The following KLF12 variants were observed in gnomAD, a reference collection of about 807,000 sequenced individuals.
KLF12 encodes the protein Krueppel-like factor 12.
KLF12 carries 9 observed loss-of-function variants against 37.8 expected under a neutral mutation model. The observed-to-expected ratio is 0.24, with a 90% CI of 0.14 to 0.42. KLF12 has a LOEUF of 0.42. Among genes scored for constraint, KLF12 ranks in the 10% least tolerant of loss-of-function variants. The pLI is 1.00. For missense variants in KLF12, 411 were observed against 516.0 expected (o/e 0.80, Z 1.97); for synonymous variants, 208 against 202.1 (o/e 1.03, Z -0.25).
chr13:73,961,283 G>C (rs1452476283), intron 2 of KLF12, among the ~76,000 whole-genome samples: 1 of 151,854 alleles, frequency 6.6e-6, no homozygotes, highest in Non-Finnish European at 1.5e-5. Context: ...TATCCTCTGG[G>C]TATTTTCTTA....
chr13:74,227,226 G>T, the KLF12 span, among the ~76,000 whole-genome samples: 1 of 151,826 alleles, frequency 6.6e-6, no homozygotes, highest in Non-Finnish European at 1.5e-5. Context: ...GTCTATTCTT[G>T]TCACAATCCT....
At chr13:74,305,875 C>T in the KLF12 span, among the ~76,000 whole-genome samples, 1 of 151,982 alleles carries the variant, frequency 6.6e-6, no homozygotes, top group African/African-American at 2.4e-5. Context: ...TCTGATAACC[C>T]AGCCCACATT....
intron 1 of KLF12, among the ~76,000 whole-genome samples, chr13:74,132,553 A>G (rs1163123897): frequency 6.6e-6 from 1 of 152,246 alleles, no homozygotes; most frequent in East Asian, 1.9e-4. Flanking sequence ...AGCCATCTAT[A>G]CAGTTAAATT....
At chr13:73,986,020 TGTAA>T (rs1165723422) in intron 2 of KLF12, among the ~76,000 whole-genome samples, 1 of 152,160 alleles carries the variant, frequency 6.6e-6, no homozygotes, top group East Asian at 1.9e-4. Flanking sequence ...GTGTATGGGT[TGTAA>T]GTAAGTGCAT....
chr13:74,122,259 G>C (rs1593917792), intron 1 of KLF12, among the ~76,000 whole-genome samples: 1 of 152,076 alleles, frequency 6.6e-6, no homozygotes, highest in Middle Eastern at 3.4e-3. Context: ...TTTTTTAAAT[G>C]GGCAAAGAAT....
At chr13:73,817,324 A>AAAAAAAAAAAAAAAAAAAAG (rs1184659945) in intron 4 of KLF12, among the ~76,000 whole-genome samples, 1 of 97,774 alleles carries the variant, frequency 1.0e-5, no homozygotes, top group African/African-American at 3.1e-5. Context: ...GTTTCAAAAA[A>AAAAAAAAAAAAAAAAAAAAG]AAAAGAAAAG....
chr13:74,015,479 T>C (rs529682588), intron 1 of KLF12, among the ~76,000 whole-genome samples: 40 of 152,232 alleles, frequency 2.6e-4, no homozygotes, highest in Non-Finnish European at 4.3e-4. Flanking sequence ...ATTGTTATCA[T>C]TGTTATTATT....
chr13:74,167,606 T>C, the KLF12 span, among the ~76,000 whole-genome samples: 1 of 152,244 alleles, frequency 6.6e-6, no homozygotes, highest in Non-Finnish European at 1.5e-5. Context: ...AATTTGGTAC[T>C]GAAATGAATC....
chr13:74,189,380 G>A, the KLF12 span, among the ~76,000 whole-genome samples: 20 of 152,126 alleles, frequency 1.3e-4, 1 homozygote, highest in Non-Finnish European at 5.9e-5. Flanking sequence ...TCTGGTACAC[G>A]TTCTTCCTCA....
At chr13:73,828,054 C>G (rs1333245540) in intron 4 of KLF12, among the ~76,000 whole-genome samples, 1 of 152,026 alleles carries the variant, frequency 6.6e-6, no homozygotes, top group Non-Finnish European at 1.5e-5. Flanking sequence ...AGCTCTCAGT[C>G]AATGTATGTC....
chr13:74,289,796 A>G, the KLF12 span, among the ~76,000 whole-genome samples: 2 of 152,194 alleles, frequency 1.3e-5, no homozygotes, highest in Non-Finnish European at 2.9e-5. Flanking sequence ...CAAAGACCCA[A>G]AGCATTTTAT....
chr13:74,055,412 T>C (rs1046354478), intron 1 of KLF12, among the ~76,000 whole-genome samples: 4 of 152,170 alleles, frequency 2.6e-5, no homozygotes, highest in Admixed American at 2.6e-4. Context: ...TGCCATCAGA[T>C]TATCTGAGGA....
At chr13:73,728,966 C>A (rs138633131) in intron 6 of KLF12, among the ~76,000 whole-genome samples, 3 of 152,296 alleles carry the variant, frequency 2.0e-5, no homozygotes, top group African/African-American at 7.2e-5. Context: ...GGCTTCATGG[C>A]ACCATGTTTA....
intron 2 of KLF12, among the ~76,000 whole-genome samples, chr13:73,953,886 A>G (rs903968223): frequency 1.3e-5 from 2 of 152,146 alleles, no homozygotes; most frequent in African/African-American, 4.8e-5. Flanking sequence ...AAGAGCAAGC[A>G]ACCTTAATTT....
chr13:73,816,382 C>G (rs61259992), intron 4 of KLF12, among the ~76,000 whole-genome samples: 5 of 152,142 alleles, frequency 3.3e-5, no homozygotes, highest in African/African-American at 9.7e-5. Context: ...AAAATTTACA[C>G]TTAAGATTTT....
chr13:73,867,371 A>C (rs1478422814), intron 3 of KLF12, among the ~76,000 whole-genome samples: 1 of 151,802 alleles, frequency 6.6e-6, no homozygotes, highest in Middle Eastern at 3.4e-3. Flanking sequence ...GAACCACTCC[A>C]ACAGGAATAT....
chr13:73,972,214 C>T (rs763896883), intron 2 of KLF12, among the ~76,000 whole-genome samples: 3 of 152,244 alleles, frequency 2.0e-5, no homozygotes, highest in Admixed American at 6.5e-5. Context: ...TAAAGGCTAA[C>T]ATTATGAGTT....
intron 1 of KLF12, among the ~76,000 whole-genome samples, chr13:74,115,640 G>A (rs1370125453): frequency 2.6e-5 from 4 of 151,770 alleles, no homozygotes; most frequent in Non-Finnish European, 4.4e-5. Context: ...GGGGGACAGA[G>A]GTTGCAGTGA....
At chr13:74,241,440 G>C in the KLF12 span, among the ~76,000 whole-genome samples, 1 of 152,212 alleles carries the variant, frequency 6.6e-6, no homozygotes, top group Non-Finnish European at 1.5e-5. Context: ...TACAGAGGCA[G>C]GCAGGCCTCC....
Sources: gnomAD v4.1 joint callset for allele counts (sites outside exome capture counted in the v4.1 genomes callset) on GRCh38, gnomAD v4.1.1 for gene constraint, MANE v1.5 for transcripts, NCBI Gene and HGNC (gene_info 2026-07-23, HGNC 2026-07-21) for gene names.